The following ANKRD6 variants were observed in gnomAD, a reference collection of about 807,000 sequenced individuals.
ANKRD6 encodes ankyrin repeat domain-containing protein 6.
In ANKRD6, 56 loss-of-function variants were observed where a neutral mutation model predicts 82.3. The ratio of observed to expected loss-of-function variants is 0.68; its 90% CI spans 0.55 to 0.85. The LOEUF (loss-of-function observed/expected upper bound fraction) is 0.85. Among genes scored for constraint, ANKRD6 ranks in the 40% least tolerant of loss-of-function variants. ANKRD6 has a pLI of 0.00. For synonymous variants in ANKRD6, 347 were observed against 352.1 expected, an observed-to-expected ratio of 0.99 and a Z score of 0.16; for missense variants, 852 against 907.6, an observed-to-expected ratio of 0.94 and a Z score of 0.79.
chr6:89,444,156 G>T (rs1297743397), intron 1 of ANKRD6, among the ~76,000 whole-genome samples: 2 of 152,238 alleles, frequency 1.3e-5, no homozygotes, highest in African/African-American at 4.8e-5. Flanking sequence ...GGCACTTTAA[G>T]AACAAATACT....
At chr6:89,445,595 C>T (rs573613232) in intron 1 of ANKRD6, among the ~76,000 whole-genome samples, 284 of 152,246 alleles carry the variant, frequency 1.9e-3, no homozygotes, top group Non-Finnish European at 2.6e-3. Flanking sequence ...TACAGGTGCA[C>T]ACCACCATGC....
chr6:89,621,695 TCTTG>T, intron 9 of ANKRD6: 1 of 549,100 alleles, frequency 1.8e-6, no homozygotes, highest in Non-Finnish European at 3.3e-6. Context: ...ACTTTAAGCT[TCTTG>T]AGGTCAGGGA....
Position 89,502,289 on chromosome 6 carries a change from T to C in ANKRD6, c.-143-64545T>C, listed in dbSNP as rs541317730. Among the ~76,000 whole-genome samples the C allele has an allele frequency of 2.6e-5, 4 of 152,324 alleles. No homozygotes were observed. In the South Asian group the frequency reaches 8.3e-4, roughly 32 times the overall value. ...ATTGCCATACTTAACGTAACTATAA[T>C]AAAAATAACTTAACCATAATTATCT... On this transcript the variant is annotated intron_variant, in intron 1 of 15. Coordinates refer to ENST00000339746, the MANE Select transcript of ANKRD6 (RefSeq NM_001242809.2).
intron 2 of ANKRD6, among the ~76,000 whole-genome samples, chr6:89,591,872 T>G (rs1379850790): frequency 1.3e-5 from 2 of 152,190 alleles, no homozygotes; most frequent in Non-Finnish European, 1.5e-5. Flanking sequence ...GAGCCAAGAA[T>G]GTGCAGGGAA....
At position 89,595,811 on chromosome 6, in the gene ANKRD6, GA is replaced by G. The variant is rs1405122807; in HGVS notation, c.121-104del. On this transcript the variant is annotated intron_variant, in intron 2 of 15. Coordinates refer to ENST00000339746, the MANE Select transcript of ANKRD6 (RefSeq NM_001242809.2). Reference sequence around the variant, plus strand: ...CCAATCCAAAGGGGCAGGAGGGAGTGATCATCCGAAAGCCCCTGTGCAAACC... The same window carrying G: ...CCAATCCAAAGGGGCAGGAGGGAGTGTCATCCGAAAGCCCCTGTGCAAACC... 1.5e-5 allele frequency: 12 copies of G among 819,022 alleles called. No homozygotes were observed. The East Asian group carries it at 2.7e-4, about 18-fold the overall frequency. 50.7% of individuals were successfully genotyped at this position (819,022 alleles called of 1,614,324 possible).
At chr6:89,606,719 G>T (rs1798702949) in intron 5 of ANKRD6, among the ~76,000 whole-genome samples, 2 of 151,666 alleles carry the variant, frequency 1.3e-5, no homozygotes, top group Non-Finnish European at 2.9e-5. Context: ...ATCCGGGAAT[G>T]GTGGCTCATG....
At chr6:89,535,714 C>A (rs1269851655) in intron 1 of ANKRD6, among the ~76,000 whole-genome samples, 2 of 152,210 alleles carry the variant, frequency 1.3e-5, no homozygotes, top group Admixed American at 1.3e-4. Context: ...TTGACCTGTC[C>A]TTGACCTAAT....
chr6:89,480,180 G>A (rs936270989), intron 1 of ANKRD6, among the ~76,000 whole-genome samples: 1 of 152,188 alleles, frequency 6.6e-6, no homozygotes, highest in South Asian at 2.1e-4. Flanking sequence ...ATTGTTGTCT[G>A]TCTGAAAGGT....
intron 2 of ANKRD6, among the ~76,000 whole-genome samples, chr6:89,580,266 T>G (rs1366195691): frequency 1.3e-5 from 2 of 151,966 alleles, no homozygotes; most frequent in Admixed American, 1.3e-4. Flanking sequence ...AAACAGAAGC[T>G]TCAAGAGGCT....
intron 1 of ANKRD6, among the ~76,000 whole-genome samples, chr6:89,519,174 A>G: frequency 6.6e-6 from 1 of 152,226 alleles, no homozygotes; most frequent in African/African-American, 2.4e-5. Context: ...GACACAATTC[A>G]GTCTATTAAC....
At chr6:89,545,075 T>C (rs1008258737) in intron 1 of ANKRD6, among the ~76,000 whole-genome samples, 2 of 151,318 alleles carry the variant, frequency 1.3e-5, no homozygotes, top group Non-Finnish European at 2.9e-5. Flanking sequence ...TAGCAGGGCG[T>C]GGTGGCGGGC....
chr6:89,606,142 G>A, intron 5 of ANKRD6, 37 bp downstream of exon 5: 1 of 1,481,916 alleles, frequency 6.7e-7, no homozygotes, highest in Non-Finnish European at 9.1e-7. Flanking sequence ...CTCATTCACA[G>A]GTGAGGATGG....
In ANKRD6 at chr6:89,613,993, A is replaced by G. The variant is rs1376044345; in HGVS notation, c.615+103A>G. On this transcript the variant is annotated intron_variant, in intron 7 of 15. Transcript: ENST00000339746. Reference sequence around the variant, plus strand: ...GAGCAGAGGCTGCTGGGAAGCTGCCATGTCACCTACCTGGGACTCAGCCAG... The same window carrying G: ...GAGCAGAGGCTGCTGGGAAGCTGCCGTGTCACCTACCTGGGACTCAGCCAG... The G allele has an allele frequency of 3.4e-6, 4 of 1,165,928 alleles. No homozygotes were observed. The East Asian group carries it at 7.4e-5, about 22-fold the overall frequency. 72.2% of individuals were successfully genotyped at this position (1,165,928 alleles called of 1,614,324 possible). A position where few individuals can be genotyped will look rare whatever the true frequency, so the allele number is the denominator to read the frequency against.
intron 1 of ANKRD6, among the ~76,000 whole-genome samples, chr6:89,558,906 G>C (rs1787003853): frequency 6.6e-6 from 1 of 152,038 alleles, no homozygotes. Flanking sequence ...TATCAGTGAA[G>C]ATAAAAAGGA....
At chr6:89,474,908 C>T (rs551834217) in intron 1 of ANKRD6, among the ~76,000 whole-genome samples, 2 of 152,202 alleles carry the variant, frequency 1.3e-5, no homozygotes, top group South Asian at 2.1e-4. Flanking sequence ...ATTCTTGGTA[C>T]GGTTATAAGC....
rs1040524889 is a variant in ANKRD6, at chr6:89,580,639, G to A, written c.120+13543G>A. On this transcript the variant is annotated intron_variant, in intron 2 of 15. Transcript: ENST00000339746. ...TGCTCTGAAACCTGTTTCCAGTTTC[G>A]ACAAAACCTCACTTCCACGAGGGAT... Among the ~76,000 whole-genome samples the A allele has an allele frequency of 5.9e-5, 9 of 152,058 alleles. No individual in the cohort carries two copies. In the East Asian group the frequency reaches 1.2e-3, roughly 20 times the overall value.
intron 1 of ANKRD6, among the ~76,000 whole-genome samples, chr6:89,551,197 A>G (rs1785800899): frequency 6.6e-6 from 1 of 152,130 alleles, no homozygotes; most frequent in South Asian, 2.1e-4. Flanking sequence ...TGCCTCAGGA[A>G]TGGGAGGGAC....
At chr6:89,613,650 C>A in intron 6 of ANKRD6, 142 bp from the exon 7 acceptor site, 1 of 744,296 alleles carries the variant, frequency 1.3e-6, no homozygotes, top group Non-Finnish European at 2.2e-6. Context: ...TGGGGTGGAG[C>A]ATCTATGTTA....
At chr6:89,453,752 TTTTA>T (rs1018363386) in intron 1 of ANKRD6, among the ~76,000 whole-genome samples, 28 of 150,872 alleles carry the variant, frequency 1.9e-4, no homozygotes, top group Non-Finnish European at 2.5e-4. Flanking sequence ...TTTTTGTATT[TTTTA>T]TTTATTTATT....
Sources: gnomAD v4.1 joint callset for allele counts (sites outside exome capture counted in the v4.1 genomes callset) on GRCh38, gnomAD v4.1.1 for gene constraint, MANE v1.5 for transcripts, NCBI Gene and HGNC (gene_info 2026-07-23, HGNC 2026-07-21) for gene names.